NKAIN3: variants seen among roughly 807,000 people sequenced by gnomAD.
The protein encoded by NKAIN3 is sodium/potassium transporting ATPase interacting 3, also known as sodium/potassium-transporting ATPase subunit beta-1-interacting protein 3.
NKAIN3 carries 25 observed loss-of-function variants against 30.2 expected under a neutral mutation model. That is an observed-to-expected ratio of 0.83 (90% CI 0.60 to 1.16). NKAIN3 has a LOEUF of 1.16. Ranked by LOEUF, NKAIN3 falls within the 50% of genes most tolerant of loss-of-function variation. The pLI, the probability that NKAIN3 is intolerant of heterozygous loss-of-function variation, is 0.00. For synonymous variants in NKAIN3, 91 were observed against 89.6 expected (o/e 1.02, Z -0.09); for missense variants, 225 against 254.1 (o/e 0.89, Z 0.78).
chr8:62,589,593 G>C (rs980800830), intron 2 of NKAIN3, 121 bp from the exon 3 acceptor site: 2 of 505,098 alleles, frequency 4.0e-6, no homozygotes, highest in African/African-American at 2.0e-5. Flanking sequence ...TTTTCTGAGC[G>C]CTCCGTCAGT....
chr8:62,289,587 A>C (rs189689078), intron 1 of NKAIN3, among the ~76,000 whole-genome samples: 2 of 152,006 alleles, frequency 1.3e-5, no homozygotes, highest in Middle Eastern at 3.4e-3. Context: ...GCTCTATTCT[A>C]TTCTATTGGT....
intron 3 of NKAIN3, among the ~76,000 whole-genome samples, chr8:62,631,412 C>T (rs1811955700): frequency 6.6e-6 from 1 of 152,168 alleles, no homozygotes; most frequent in Non-Finnish European, 1.5e-5. Flanking sequence ...AAAAATCTTT[C>T]CATACCCTCC....
At chr8:62,577,630 A>G (rs1810158537) in intron 1 of NKAIN3, among the ~76,000 whole-genome samples, 1 of 150,638 alleles carries the variant, frequency 6.6e-6, no homozygotes, top group Non-Finnish European at 1.5e-5. Context: ...AATGCTGCAT[A>G]GAAAAGTTCC....
chr8:62,407,401 G>GT (rs10660478), intron 1 of NKAIN3, among the ~76,000 whole-genome samples: 102,399 of 118,548 alleles, frequency 0.86, 46,197 homozygotes, highest in East Asian at 0.96. Context: ...CTAGATAGTT[G>GT]TTTTTTTTTT....
chr8:62,820,718 A>G (rs1281456349), intron 4 of NKAIN3, among the ~76,000 whole-genome samples: 2 of 152,096 alleles, frequency 1.3e-5, no homozygotes, highest in Non-Finnish European at 2.9e-5. Context: ...CCATAGTAAA[A>G]TATTGTCTAG....
chr8:62,287,824 G>A (rs1813429071), intron 1 of NKAIN3, among the ~76,000 whole-genome samples: 1 of 152,008 alleles, frequency 6.6e-6, no homozygotes, highest in Non-Finnish European at 1.5e-5. Flanking sequence ...TGTCCTTCTG[G>A]TCATCTCCCT....
Position 62,965,737 on chromosome 8 carries a change from A to T in NKAIN3, c.*330A>T. On this transcript the variant is annotated 3_prime_UTR_variant, in exon 7 of 7. Transcript: ENST00000623646. ...AAAACCTTCTACAGTCAATTCTAAG[A>T]GAAATCTCAGTGTGTGCTGTGGAGA... is the stretch of plus-strand genomic sequence containing the variant. 4 of 984,956 alleles carry T rather than the reference A, an allele frequency of 4.1e-6. No homozygotes were observed. Among genetic ancestry groups the T allele is most frequent in the Non-Finnish European group, 4.8e-6 (4 of 829,486 alleles). 61.0% of individuals were successfully genotyped at this position (984,956 alleles called of 1,614,324 possible).
Position 62,632,826 on chromosome 8 carries a change from G to A in NKAIN3, c.273+43032G>A, listed in dbSNP as rs531730934. Among the ~76,000 whole-genome samples, 4 of 152,224 alleles carry A rather than the reference G, an allele frequency of 2.6e-5. No homozygotes were observed. The East Asian group carries it at 7.7e-4, about 29-fold the overall frequency. ...TTAAGAATTAAGTTTAAGTGTTCCT[G>A]AAGGATCATGCTTCTCACAGAGAGA... On this transcript the variant is annotated intron_variant, in intron 3 of 6. Transcript: ENST00000623646.
chr8:62,807,101 T>A (rs1157816824), intron 4 of NKAIN3, among the ~76,000 whole-genome samples: 2 of 152,232 alleles, frequency 1.3e-5, no homozygotes, highest in African/African-American at 2.4e-5. Context: ...ATAGATTTTC[T>A]TTTTGTTAAT....
Position 62,506,476 on chromosome 8 carries a change from C to CTTTCTTTCTTTTTTTT in NKAIN3, c.55-73060_55-73059insCTTTCTTTTTTTTTTT, listed in dbSNP as rs71559373. ...TCTGCTTTTTCTTTTTTCTTTCTTT[C>CTTTCTTTCTTTTTTTT]TTTTTTTTTTTTTTTTGAGACAGAG... On this transcript the variant is annotated intron_variant, in intron 1 of 6. Coordinates refer to ENST00000623646, the MANE Select transcript of NKAIN3 (RefSeq NM_001304533.3). Among the ~76,000 whole-genome samples, 583 of 98,398 alleles carry CTTTCTTTCTTTTTTTT rather than the reference C, an allele frequency of 5.9e-3. 1 individual carries two copies. The highest frequency in any genetic ancestry group is 8.7e-3 in the Non-Finnish European group (457 of 52,748). 64.6% of individuals were successfully genotyped at this position (98,398 alleles called of 152,430 possible). A position where few individuals can be genotyped will look rare whatever the true frequency, so the allele number is the denominator to read the frequency against.
Position 62,737,168 on chromosome 8 carries a change from A to G in NKAIN3, c.274-9764A>G, listed in dbSNP as rs73685516. On this transcript the variant is annotated intron_variant, in intron 3 of 6. Coordinates refer to ENST00000623646, the MANE Select transcript of NKAIN3 (RefSeq NM_001304533.3). ...AAGTTCATGATATGAGTTTCCATCA[A>G]AAGTTCATGATGTGAGCTCCTGAGT... Among the ~76,000 whole-genome samples the G allele has an allele frequency of 9.8e-3, 1,499 of 152,268 alleles. 24 individuals carry two copies. The highest frequency in any genetic ancestry group is 0.034 in the African/African-American group (1,421 of 41,564).
chr8:62,884,271 T>C (rs1261375517), intron 4 of NKAIN3, among the ~76,000 whole-genome samples: 1 of 152,148 alleles, frequency 6.6e-6, no homozygotes, highest in East Asian at 1.9e-4. Context: ...ATTTTTTTTT[T>C]TTTTGAGATG....
At chr8:62,777,073 A>G (rs1056411570) in intron 4 of NKAIN3, among the ~76,000 whole-genome samples, 10 of 152,148 alleles carry the variant, frequency 6.6e-5, no homozygotes, top group Admixed American at 6.5e-4. Flanking sequence ...TGCCAGGCAC[A>G]CTGGAGCTTC....
At chr8:62,325,227 C>T (rs1373684789) in intron 1 of NKAIN3, among the ~76,000 whole-genome samples, 1 of 152,064 alleles carries the variant, frequency 6.6e-6, no homozygotes, top group Non-Finnish European at 1.5e-5. Flanking sequence ...TAATAGCACA[C>T]AATATTTGGT....
intron 1 of NKAIN3, among the ~76,000 whole-genome samples, chr8:62,479,655 G>A (rs1475262144): frequency 6.6e-6 from 1 of 152,172 alleles, no homozygotes; most frequent in Non-Finnish European, 1.5e-5. Flanking sequence ...AACACTGGAT[G>A]TGCCCAACAG....
chr8:62,509,547 A>C (rs1281765837), intron 1 of NKAIN3, among the ~76,000 whole-genome samples: 2 of 152,060 alleles, frequency 1.3e-5, no homozygotes, highest in Non-Finnish European at 2.9e-5. Flanking sequence ...CAGTGGTTTC[A>C]TTCTTATCTC....
At chr8:62,360,982 G>A (rs968699162) in intron 1 of NKAIN3, among the ~76,000 whole-genome samples, 1 of 147,636 alleles carries the variant, frequency 6.8e-6, no homozygotes, top group African/African-American at 2.5e-5. Context: ...TTCTTAGAGG[G>A]CTAAATAGCC....
chr8:62,556,030 C>A (rs73683332), intron 1 of NKAIN3, among the ~76,000 whole-genome samples: 3 of 151,534 alleles, frequency 2.0e-5, no homozygotes, highest in African/African-American at 7.3e-5. Context: ...TCTCATTTAA[C>A]AAATTGGAAA....
intron 1 of NKAIN3, among the ~76,000 whole-genome samples, chr8:62,345,421 A>ACATATG: frequency 1.5e-5 from 2 of 132,032 alleles, no homozygotes; most frequent in South Asian, 4.5e-4. Context: ...ATATATACAC[A>ACATATG]TATATACACA....
Sources: allele counts gnomAD v4.1 joint callset (sites outside exome capture counted in the v4.1 genomes callset), GRCh38; gene constraint gnomAD v4.1.1; transcripts MANE v1.5; gene names NCBI Gene and HGNC (gene_info 2026-07-23, HGNC 2026-07-21).